DNAJB2: variants seen among roughly 807,000 people sequenced by gnomAD.
DNAJB2 encodes DnaJ heat shock protein family (Hsp40) member B2, also known as dnaJ homolog subfamily B member 2.
A neutral mutation model predicts 33.3 loss-of-function variants in DNAJB2; 19 were observed. The ratio of observed to expected loss-of-function variants is 0.57; its 90% CI spans 0.40 to 0.84. The LOEUF is 0.84. Among genes scored for constraint, DNAJB2 ranks in the 40% least tolerant of loss-of-function variants. The probability of loss-of-function intolerance (pLI) is 0.00; values close to 1 mark genes in which losing one functional copy is unlikely to be tolerated. For synonymous variants in DNAJB2, 172 were observed against 164.6 expected (o/e 1.04, Z -0.34); for missense variants, 368 against 430.9 (o/e 0.85, Z 1.29).
chr2:219,280,467 C>T (rs1330825824), intron 2 of DNAJB2, 111 bp from the exon 3 acceptor site: 7 of 772,712 alleles, frequency 9.1e-6, no homozygotes, highest in Admixed American at 2.5e-5. Context: ...GACTGGGACC[C>T]GGGGGTGAAA....
Position 219,284,858 on chromosome 2 carries a change from A to G in DNAJB2, c.846A>G (p.Arg282=), listed in dbSNP as rs745713231. The G allele has an allele frequency of 1.2e-6, 2 of 1,610,462 alleles. No homozygotes were observed. Among genetic ancestry groups the G allele is most frequent in the East Asian group, 4.5e-5 (2 of 44,784 alleles). The change falls in exon 9 of 9, where the codon CGA becomes CGG. Residue 282 remains arginine (R), a synonymous_variant. Coordinates refer to ENST00000336576, the MANE Select transcript of DNAJB2 (RefSeq NM_006736.6). The part of the protein sequence containing the change: ...KPAGGREAQH[R]RQGRPKAQHQ... ...CAGGTGGGCGGGAGGCACAGCACCG[A>G]CGGCAGGGGCGGCCCAAGGCCCAGC... is the stretch of plus-strand genomic sequence containing the variant.
rs1270850292 is a variant in DNAJB2 at position 219,286,728 on chromosome 2, A to C, written c.*1741A>C. ...CCTGCTGCCCATTCTTTCCAACATC[A>C]CAGATGAACTGCCTCTCCTCCTCCC... On this transcript the variant is annotated 3_prime_UTR_variant, in exon 9 of 9. Coordinates refer to ENST00000336576, the MANE Select transcript of DNAJB2 (RefSeq NM_006736.6). 1.3e-5 allele frequency: 2 copies of C among 152,138 alleles called. No individual in the cohort carries two copies. Among genetic ancestry groups the C allele is most frequent in the Non-Finnish European group, 2.9e-5 (2 of 68,086 alleles). The allele number at this position is 152,138 out of a possible 1,614,324, so 9.4% of individuals were successfully genotyped here. A position where few individuals can be genotyped will look rare whatever the true frequency, so the allele number is the denominator to read the frequency against.
In DNAJB2 at chr2:219,285,644, A is replaced by G; in HGVS notation, c.*657A>G. 8.9e-7 allele frequency: 1 copy of G among 1,126,428 alleles called. No homozygotes were observed. Among genetic ancestry groups the G allele is most frequent in the African/African-American group, 1.6e-5 (1 of 62,338 alleles). 69.8% of individuals were successfully genotyped at this position (1,126,428 alleles called of 1,614,324 possible). On this transcript the variant is annotated 3_prime_UTR_variant, in exon 9 of 9. Coordinates refer to ENST00000336576, the MANE Select transcript of DNAJB2 (RefSeq NM_006736.6). ...TGGCGAGGAAGATGCTGGGGCCGGT[A>G]GGGCTGTGAGATCTTCTGGGGAGGC...
At position 219,283,422 on chromosome 2, in the gene DNAJB2, C is replaced by A; in HGVS notation, c.552C>A (p.Ile184=). 6.2e-7 allele frequency: 1 copy of A among 1,613,932 alleles called. No homozygotes were observed. The highest frequency in any genetic ancestry group is 1.1e-5 in the South Asian group (1 of 91,042). The change falls in exon 8 of 9, where the codon ATC becomes ATA. Residue 184 remains isoleucine, a synonymous_variant. Transcript: ENST00000336576. ...VQGRRITTRR[I]MENGQERVEV... is the part of the protein sequence containing the mutation. ...TGAACTGTGCTGTCTCCCACAGAAT[C>A]ATGGAGAACGGGCAGGAGCGGGTGG...
chr2:219,286,192 C>G lies in DNAJB2; in HGVS notation c.*1205C>G. On this transcript the variant is annotated 3_prime_UTR_variant, in exon 9 of 9. Coordinates refer to ENST00000336576, the MANE Select transcript of DNAJB2 (RefSeq NM_006736.6). ...CACTCTCTTCCTTGGGTGTTTGGTG[C>G]TGGCTCCTGGGGACTACAAATCCCA... The G allele has an allele frequency of 1.5e-6, 1 of 674,142 alleles. No homozygotes were observed. Among genetic ancestry groups the G allele is most frequent in the Non-Finnish European group, 2.4e-6 (1 of 413,698 alleles). 41.8% of individuals were successfully genotyped at this position (674,142 alleles called of 1,614,324 possible). A position where few individuals can be genotyped will look rare whatever the true frequency, so the allele number is the denominator to read the frequency against.
chr2:219,279,588 G>A lies in DNAJB2; in HGVS notation c.-37+70G>A. On this transcript the variant is annotated intron_variant, in intron 1 of 8. Coordinates refer to ENST00000336576, the MANE Select transcript of DNAJB2 (RefSeq NM_006736.6). The surrounding 1 kb of genome is among the most constrained non-coding windows in gnomAD (Gnocchi z 4.9). Reference sequence around the variant, plus strand: ...TGCTGGAGTTGGGGGGCCCCGATAGGGCTCCTGGGCCTGGGCGTCGAGATA... The same window carrying A: ...TGCTGGAGTTGGGGGGCCCCGATAGAGCTCCTGGGCCTGGGCGTCGAGATA... 5.9e-6 allele frequency: 3 copies of A among 511,242 alleles called. No individual in the cohort carries two copies. Among genetic ancestry groups the A allele is most frequent in the Non-Finnish European group, 1.1e-5 (3 of 285,686 alleles). The allele number at this position is 511,242 out of a possible 1,614,324, so 31.7% of individuals were successfully genotyped here.
chr2:219,284,732 T>G lies in DNAJB2; in HGVS notation c.720T>G (p.Pro240=). 1 of 1,613,538 alleles carries G rather than the reference T, an allele frequency of 6.2e-7. No homozygotes were observed. Among genetic ancestry groups the G allele is most frequent in the Non-Finnish European group, 8.5e-7 (1 of 1,179,960 alleles). ...RSGGTQVQQT[P]ASCPLDSDLS... ...GGGGCACTCAGGTCCAGCAGACCCCTGCCTCATGCCCCTTGGACAGCGACC... is the reference window on the plus strand; with the variant it reads ...GGGGCACTCAGGTCCAGCAGACCCCGGCCTCATGCCCCTTGGACAGCGACC... Residue 240 remains proline (P), a synonymous_variant, in exon 9 of 9, where the codon CCT becomes CCG. Coordinates refer to ENST00000336576, the MANE Select transcript of DNAJB2 (RefSeq NM_006736.6).
In DNAJB2 at chr2:219,285,572, C is replaced by T. The variant is rs964176337; in HGVS notation, c.*585C>T. ...CCGCATCGCTTGCTTTCACTGCCGT[C>T]TGGCTAGGACTCCCTTCTTCCTTCC... On this transcript the variant is annotated 3_prime_UTR_variant, in exon 9 of 9. Coordinates refer to ENST00000336576, the MANE Select transcript of DNAJB2 (RefSeq NM_006736.6). 2.1e-5 allele frequency: 22 copies of T among 1,039,086 alleles called. No homozygotes were observed. In the East Asian group the frequency reaches 2.5e-4, roughly 12 times the overall value. 64.4% of individuals were successfully genotyped at this position (1,039,086 alleles called of 1,614,324 possible).
Position 219,285,923 on chromosome 2 carries a change from C to T in DNAJB2, c.*936C>T. ...GGCCAGCCCAGGTCTGCATGCTGAG[C>T]CCCATCCTCCACAGCTTGCCGCTGA... On this transcript the variant is annotated 3_prime_UTR_variant, in exon 9 of 9. Coordinates refer to ENST00000336576, the MANE Select transcript of DNAJB2 (RefSeq NM_006736.6). The T allele has an allele frequency of 6.2e-7, 1 of 1,600,732 alleles. No homozygotes were observed.
chr2:219,280,762 A>G (rs1248953540), intron 3 of DNAJB2, 75 bp downstream of exon 3: 6 of 1,102,434 alleles, frequency 5.4e-6, no homozygotes, highest in Non-Finnish European at 8.0e-6. Flanking sequence ...TCTTAAAGCA[A>G]TGTCTCTGCC....
chr2:219,284,896 G>T lies in DNAJB2; in HGVS notation c.884G>T (p.Gly295Val), dbSNP rs1951940443. Residue 295 changes from glycine (G) to valine (V), a missense_variant, in exon 9 of 9, where the codon GGC (glycine) becomes GTC (valine). By Grantham distance (109) the Gly-to-Val change is moderately radical. Coordinates refer to ENST00000336576, the MANE Select transcript of DNAJB2 (RefSeq NM_006736.6). ...GRPKAQHQDPGLGGTQEGARG... is the reference protein window; with the variant it reads ...GRPKAQHQDPVLGGTQEGARG... ...CCCAAGGCCCAGCACCAAGATCCAG[G>T]CTTGGGGGGGACCCAGGAGGGTGCG... 2 of 1,604,246 alleles carry T rather than the reference G, an allele frequency of 1.2e-6. No homozygotes were observed. Among genetic ancestry groups the T allele is most frequent in the Non-Finnish European group, 1.7e-6 (2 of 1,173,508 alleles).
In DNAJB2 at chr2:219,285,845, C is replaced by T. The variant is rs72955484; in HGVS notation, c.*858C>T. On this transcript the variant is annotated 3_prime_UTR_variant, in exon 9 of 9. Transcript: ENST00000336576. ...CCCCAGAGGGAGGCCTAGGAGGGGA[C>T]TGCACCCATACTGCTTCCCTACCAC... 24,976 of 1,463,178 alleles carry T rather than the reference C, an allele frequency of 0.017. 298 individuals are homozygous for T. The highest frequency in any genetic ancestry group is 0.038 in the Middle Eastern group (166 of 4,378). The allele number at this position is 1,463,178 out of a possible 1,614,324, so 90.6% of individuals were successfully genotyped here.
At chr2:219,282,984 T>C in intron 6 of DNAJB2, 55 bp downstream of exon 6, 2 of 1,565,236 alleles carry the variant, frequency 1.3e-6, no homozygotes, top group Non-Finnish European at 1.7e-6. Flanking sequence ...ACCCCTGGCT[T>C]GAGCTTGTTG....
In DNAJB2 at chr2:219,279,800, C is replaced by T; in HGVS notation, c.-34C>T. On this transcript the variant is annotated splice_region_variant and 5_prime_UTR_variant, in exon 2 of 9. Transcript: ENST00000336576. The surrounding 1 kb of genome is among the most constrained non-coding windows in gnomAD (Gnocchi z 4.9). ...GCCTGACTCCTTCTCTTCTGCAGCC[C>T]CAAGGAGGCCCGCCTGACGACTGAC... is the stretch of plus-strand genomic sequence containing the variant. The T allele has an allele frequency of 6.2e-7, 1 of 1,612,864 alleles. No homozygotes were observed. The highest frequency in any genetic ancestry group is 8.5e-7 in the Non-Finnish European group (1 of 1,179,458).
intron 2 of DNAJB2, chr2:219,280,284 C>CGAGAA: frequency 3.8e-6 from 2 of 532,318 alleles, no homozygotes; most frequent in Non-Finnish European, 6.7e-6. Context: ...CTGTACTCTT[C>CGAGAA]GAGGCCACAT....
chr2:219,283,220 G>GC lies in DNAJB2; in HGVS notation c.534dup (p.Ile179HisfsTer33). ...TCTACCACCTTTGTCCAAGGACGCC[G>GC]CATCACCACACGCAGGTGAGAGCTC... On this transcript the variant is annotated frameshift_variant, in exon 7 of 9. Transcript: ENST00000336576. LOFTEE classifies it high-confidence loss of function. 6.2e-7 allele frequency: 1 copy of GC among 1,614,178 alleles called. No individual in the cohort carries two copies. The highest frequency in any genetic ancestry group is 1.3e-5 in the African/African-American group (1 of 75,026).
rs924384430 is a variant in DNAJB2 at position 219,285,279 on chromosome 2, G to T, written c.*292G>T. Reference sequence around the variant, plus strand: ...TGGGGAGCTCCAAGGGGCATTAGTGGTTTGGGCTGGGCCTTTTGTGCCCTG... The same window carrying T: ...TGGGGAGCTCCAAGGGGCATTAGTGTTTTGGGCTGGGCCTTTTGTGCCCTG... On this transcript the variant is annotated 3_prime_UTR_variant, in exon 9 of 9. Coordinates refer to ENST00000336576, the MANE Select transcript of DNAJB2 (RefSeq NM_006736.6). 11 of 1,128,520 alleles carry T rather than the reference G, an allele frequency of 9.7e-6. No individual in the cohort carries two copies. In the African/African-American group the frequency reaches 1.8e-4, roughly 18 times the overall value. 69.9% of individuals were successfully genotyped at this position (1,128,520 alleles called of 1,614,324 possible). A position where few individuals can be genotyped will look rare whatever the true frequency, so the allele number is the denominator to read the frequency against.
chr2:219,285,748 C>T lies in DNAJB2; in HGVS notation c.*761C>T, dbSNP rs1476826855. On this transcript the variant is annotated 3_prime_UTR_variant, in exon 9 of 9. Transcript: ENST00000336576. ...CTCCTCCTCCCTCTCGTTGCCTCAGCCTGCCCTCACCCTCAGGACTAGGCA... is the reference window on the plus strand; with the variant it reads ...CTCCTCCTCCCTCTCGTTGCCTCAGTCTGCCCTCACCCTCAGGACTAGGCA... 1.5e-6 allele frequency: 2 copies of T among 1,295,418 alleles called. No homozygotes were observed. The highest frequency in any genetic ancestry group is 2.9e-5 in the East Asian group (1 of 35,044). The allele number at this position is 1,295,418 out of a possible 1,614,324, so 80.2% of individuals were successfully genotyped here. A position where few individuals can be genotyped will look rare whatever the true frequency, so the allele number is the denominator to read the frequency against.
chr2:219,282,020 G>A lies in DNAJB2; in HGVS notation c.311G>A (p.Arg104Gln), dbSNP rs145429721. Reference sequence around the variant, plus strand: ...TTCCGCAGCCCCGAGGAGGTCTTCCGGGAATTCTTTGGGAGTGGAGACCCT... The same window carrying A: ...TTCCGCAGCCCCGAGGAGGTCTTCCAGGAATTCTTTGGGAGTGGAGACCCT... The part of the protein sequence containing the change: ...FTFRSPEEVF[R>Q]EFFGSGDPFA... Residue 104 changes from arginine (R) to glutamine (Q), a missense_variant, in exon 5 of 9, where the codon CGG becomes CAG. Arg to Gln is a conservative substitution (Grantham distance 43). Coordinates refer to ENST00000336576, the MANE Select transcript of DNAJB2 (RefSeq NM_006736.6). 23 of 1,614,070 alleles carry A rather than the reference G, an allele frequency of 1.4e-5. No homozygotes were observed. The Admixed American group carries it at 2.3e-4, about 16-fold the overall frequency.
Sources: gnomAD v4.1 joint callset for allele counts on GRCh38, gnomAD v4.1.1 for gene constraint, Gnocchi (gnomAD v3.1) non-coding constraint, MANE v1.5 for transcripts, NCBI Gene and HGNC (gene_info 2026-07-23, HGNC 2026-07-21) for gene names.